The following DERL3 variants were observed in gnomAD, a reference collection of about 807,000 sequenced individuals.
DERL3 encodes derlin-3.
In DERL3, 20 loss-of-function variants were observed where a neutral mutation model predicts 23.8. That is an observed-to-expected ratio of 0.84 (90% CI 0.59 to 1.22). The LOEUF (loss-of-function observed/expected upper bound fraction) is 1.22, where lower values mean the gene tolerates loss of function less well. DERL3 is among the 50% of genes most tolerant of loss of function. The probability of loss-of-function intolerance (pLI) is 0.00; values close to 1 mark genes in which losing one functional copy is unlikely to be tolerated. For missense variants in DERL3, 319 were observed against 304.1 expected, an observed-to-expected ratio of 1.05 and a Z score of -0.36; for synonymous variants, 145 against 132.5, an observed-to-expected ratio of 1.09 and a Z score of -0.65.
chr22:23,837,889 C>T (rs1188800768), intron 4 of DERL3, 35 bp from the exon 5 acceptor site: 3 of 1,584,156 alleles, frequency 1.9e-6, no homozygotes, highest in South Asian at 1.1e-5. Context: ...GTGCAGGCCT[C>T]AGCCCAAGCC....
rs2031209435 is a variant in DERL3 at position 23,837,762 on chromosome 22, C to A, written c.420G>T (p.Arg140Ser). 3.7e-6 allele frequency: 6 copies of A among 1,613,894 alleles called. No individual in the cohort carries two copies. The highest frequency in any genetic ancestry group is 4.2e-6 in the Non-Finnish European group (5 of 1,180,026). ...AAGTGAGCAGGCCGAAGAAGTTGACCCTCACCCGAGGGCTGCGGCGGCTCC... is the reference window on the plus strand; with the variant it reads ...AAGTGAGCAGGCCGAAGAAGTTGACACTCACCCGAGGGCTGCGGCGGCTCC... ...YVWSRRSPRV[R>S]VNFFGLLTFQ... The change falls in exon 5 of 7, where the codon AGG becomes AGT. Residue 140 changes from arginine (R) to serine (S), a missense_variant. Transcript: ENST00000318109.
chr22:23,838,260 C>T (rs750720698), intron 4 of DERL3, 92 bp downstream of exon 4: 2 of 1,551,800 alleles, frequency 1.3e-6, no homozygotes, highest in South Asian at 2.4e-5. Context: ...GACTGTGTCC[C>T]TCTCTGGCAT....
Position 23,838,997 on chromosome 22 carries a change from T to A in DERL3, c.-10A>T. ...GTCCCTGCCACGCCATTGAACCTTCTCAAGCACGCGTGGCCCAGCCAGCAA... is the reference window on the plus strand; with the variant it reads ...GTCCCTGCCACGCCATTGAACCTTCACAAGCACGCGTGGCCCAGCCAGCAA... On this transcript the variant is annotated 5_prime_UTR_variant, in exon 1 of 7. Transcript: ENST00000318109. 2 of 1,560,560 alleles carry A rather than the reference T, an allele frequency of 1.3e-6. No individual in the cohort carries two copies. Among genetic ancestry groups the A allele is most frequent in the Non-Finnish European group, 1.7e-6 (2 of 1,153,078 alleles).
rs1444656858 is a variant in DERL3 at position 23,835,310 on chromosome 22, T to C, written c.*1559A>G. The C allele has an allele frequency of 9.7e-6, 10 of 1,030,086 alleles. No individual in the cohort carries two copies. The highest frequency in any genetic ancestry group is 1.2e-5 in the Non-Finnish European group (10 of 860,092). 63.8% of individuals were successfully genotyped at this position (1,030,086 alleles called of 1,614,324 possible). ...AACTGGCTCGCAGCTCCAGCCTTAC[T>C]GAAGAGAATGGGCACAGATCCGGGC... On this transcript the variant is annotated 3_prime_UTR_variant, in exon 7 of 7. Coordinates refer to ENST00000318109, the MANE Select transcript of DERL3 (RefSeq NM_001002862.3).
In DERL3 at chr22:23,837,145, A is replaced by G; in HGVS notation, c.533T>C (p.Val178Ala). The change falls in exon 6 of 7, where the codon GTG becomes GCG. Residue 178 changes from valine to alanine, a missense_variant. Val to Ala is a moderately conservative substitution (Grantham distance 64). Coordinates refer to ENST00000318109, the MANE Select transcript of DERL3 (RefSeq NM_001002862.3). ...SILVDLLGIA[V>A]GHIYYFLEDV... ...CTCCAGGAAGTAGTAGATATGGCCC[A>G]CCGCAATCCCTGTGAGACAGCCACG... 6.2e-7 allele frequency: 1 copy of G among 1,613,848 alleles called. No homozygotes were observed. The highest frequency in any genetic ancestry group is 8.5e-7 in the Non-Finnish European group (1 of 1,179,884).
Position 23,838,375 on chromosome 22 carries a change from G to T in DERL3, c.304C>A (p.Leu102Ile), listed in dbSNP as rs967800614. The change falls in exon 4 of 7, where the codon CTC becomes ATC. Residue 102 changes from leucine to isoleucine, a missense_variant. By Grantham distance (5) the Leu-to-Ile change is conservative. Transcript: ENST00000318109. ...ACGGTCATAAGGACGCCCCCGAAGA[G>T]AAACATGAAGACGAAGTCGGCCGTG... ...GRTADFVFMF[L>I]FGGVLMTLLG... 6.2e-6 allele frequency: 10 copies of T among 1,609,686 alleles called. No individual in the cohort carries two copies. In the African/African-American group the frequency reaches 1.3e-4, roughly 22 times the overall value.
chr22:23,836,979 G>A lies in DERL3; in HGVS notation c.615-17C>T, dbSNP rs7290412. ...AGCAGCTTTCTGTGGGGAGGGGCCC[G>A]TGTTGAGCACAGGCCAGCACAGGTC... is the stretch of plus-strand genomic sequence containing the variant. On this transcript the variant is annotated splice_polypyrimidine_tract_variant and intron_variant, in intron 6 of 6. Coordinates refer to ENST00000318109, the MANE Select transcript of DERL3 (RefSeq NM_001002862.3). The A allele has an allele frequency of 1.8e-4, 287 of 1,605,640 alleles. 1 individual carries two copies. The African/African-American group carries it at 3.0e-3, about 17-fold the overall frequency.
intron 5 of DERL3, chr22:23,837,416 C>G (rs9612486): frequency 0.13 from 83,014 of 640,772 alleles, 6,235 homozygotes; most frequent in South Asian, 0.27. Flanking sequence ...CCCTGACCCT[C>G]CCATCCTCAC....
chr22:23,838,514 C>T, intron 3 of DERL3, 50 bp downstream of exon 3: 1 of 1,572,410 alleles, frequency 6.4e-7, no homozygotes, highest in Non-Finnish European at 8.6e-7. Context: ...TCTCTCCCAG[C>T]CCGGCCGGCC....
chr22:23,836,826 T>C lies in DERL3; in HGVS notation c.*43A>G. On this transcript the variant is annotated 3_prime_UTR_variant, in exon 7 of 7. Coordinates refer to ENST00000318109, the MANE Select transcript of DERL3 (RefSeq NM_001002862.3). ...CCCCAAGTAGGGGTCATGGGTAGGA[T>C]GGAAGCTGCCAGAAGCCTCTTAGGC... The C allele has an allele frequency of 4.2e-6, 6 of 1,436,022 alleles. No homozygotes were observed. Among genetic ancestry groups the C allele is most frequent in the East Asian group, 5.3e-5 (2 of 38,050 alleles). The allele number at this position is 1,436,022 out of a possible 1,614,324, so 89.0% of individuals were successfully genotyped here.
Position 23,836,764 on chromosome 22 carries a change from C to T in DERL3, c.*105G>A, listed in dbSNP as rs917353917. 47 of 1,393,632 alleles carry T rather than the reference C, an allele frequency of 3.4e-5. No homozygotes were observed. The highest frequency in any genetic ancestry group is 4.3e-5 in the Non-Finnish European group (46 of 1,076,120). 86.3% of individuals were successfully genotyped at this position (1,393,632 alleles called of 1,614,324 possible). A position where few individuals can be genotyped will look rare whatever the true frequency, so the allele number is the denominator to read the frequency against. ...CTCATTCTGTTTATTCAGGTGGGCCCTTGCATGGGCCCAGCCTTTAGGATG... is the reference window on the plus strand; with the variant it reads ...CTCATTCTGTTTATTCAGGTGGGCCTTTGCATGGGCCCAGCCTTTAGGATG... On this transcript the variant is annotated 3_prime_UTR_variant, in exon 7 of 7. Coordinates refer to ENST00000318109, the MANE Select transcript of DERL3 (RefSeq NM_001002862.3).
Position 23,838,351 on chromosome 22 carries a change from CG to C in DERL3, c.327del (p.Leu110CysfsTer30), listed in dbSNP as rs1465672796. 1 of 1,601,632 alleles carries C rather than the reference CG, an allele frequency of 6.2e-7. No individual in the cohort carries two copies. The highest frequency in any genetic ancestry group is 8.5e-7 in the Non-Finnish European group (1 of 1,174,366). ...FMFLFGGVLM[T>X]LLGLLGSLFF... Reference sequence around the variant, plus strand: ...GGTTCCAGAGCCTGCGGGAAGGATACGGTCATAAGGACGCCCCCGAAGAGAA... The same window carrying C: ...GGTTCCAGAGCCTGCGGGAAGGATACGTCATAAGGACGCCCCCGAAGAGAA... On this transcript the variant is annotated frameshift_variant and splice_region_variant, in exon 4 of 7. Transcript: ENST00000318109. LOFTEE classifies it high-confidence loss of function.
At position 23,834,840 on chromosome 22, in the gene DERL3, G is replaced by A. The variant is rs534994795; in HGVS notation, c.*2029C>T. ...CCTTGCTTGGCCTCAGGAAGGTGCC[G>A]CGAGCTCTCCTGCCGTCCCTGGGCC... On this transcript the variant is annotated 3_prime_UTR_variant, in exon 7 of 7. Coordinates refer to ENST00000318109, the MANE Select transcript of DERL3 (RefSeq NM_001002862.3). The A allele has an allele frequency of 2.4e-4, 382 of 1,611,884 alleles. 13 individuals are homozygous for A. The South Asian group carries it at 3.8e-3, about 16-fold the overall frequency.
rs2031276995 is a variant in DERL3, at chr22:23,838,382, G to A, written c.297C>T (p.Phe99=). The A allele has an allele frequency of 6.2e-7, 1 of 1,610,352 alleles. No individual in the cohort carries two copies. The highest frequency in any genetic ancestry group is 2.2e-5 in the East Asian group (1 of 44,716). ...TAAGGACGCCCCCGAAGAGAAACATGAAGACGAAGTCGGCCGTGCGGCCGC... is the reference window on the plus strand; with the variant it reads ...TAAGGACGCCCCCGAAGAGAAACATAAAGACGAAGTCGGCCGTGCGGCCGC... ...SFRGRTADFV[F]MFLFGGVLMT... is the part of the protein sequence containing the mutation. Residue 99 remains phenylalanine, a synonymous_variant, in exon 4 of 7, where the codon TTC becomes TTT. Transcript: ENST00000318109.
chr22:23,834,845 C>T lies in DERL3; in HGVS notation c.*2024G>A. 3 of 1,612,214 alleles carry T rather than the reference C, an allele frequency of 1.9e-6. No individual in the cohort carries two copies. The highest frequency in any genetic ancestry group is 2.2e-5 in the East Asian group (1 of 44,878). ...CTTGGCCTCAGGAAGGTGCCGCGAG[C>T]TCTCCTGCCGTCCCTGGGCCGCCCT... On this transcript the variant is annotated 3_prime_UTR_variant, in exon 7 of 7. Coordinates refer to ENST00000318109, the MANE Select transcript of DERL3 (RefSeq NM_001002862.3).
rs1043615990 is a variant in DERL3, at chr22:23,835,142, A to T, written c.*1727T>A. The T allele has an allele frequency of 6.6e-6, 9 of 1,367,050 alleles. No homozygotes were observed. The highest frequency in any genetic ancestry group is 8.5e-6 in the Non-Finnish European group (9 of 1,063,162). The allele number at this position is 1,367,050 out of a possible 1,614,324, so 84.7% of individuals were successfully genotyped here. A position where few individuals can be genotyped will look rare whatever the true frequency, so the allele number is the denominator to read the frequency against. On this transcript the variant is annotated 3_prime_UTR_variant, in exon 7 of 7. Coordinates refer to ENST00000318109, the MANE Select transcript of DERL3 (RefSeq NM_001002862.3). The stretch of plus-strand genomic sequence containing the variant: ...CTCCCGGCCTGGTGCCAGCTCTTGG[A>T]GTTGACACGGTACAGGGAGGAGACA...
At chr22:23,837,180 G>T in intron 5 of DERL3, 26 bp from the exon 6 acceptor site, 1 of 1,612,542 alleles carries the variant, frequency 6.2e-7, no homozygotes, top group South Asian at 1.1e-5. Context: ...GGACTGTGGG[G>T]TCACCCTCCA....
intron 3 of DERL3, 23 bp downstream of exon 3, chr22:23,838,541 C>G (rs1197093780): frequency 1.3e-6 from 2 of 1,578,178 alleles, no homozygotes; most frequent in Middle Eastern, 1.7e-4. Flanking sequence ...CCACCCAGCC[C>G]GTGTCCGCAG....
chr22:23,836,410 C>G lies in DERL3; in HGVS notation c.*459G>C, dbSNP rs2031052314. On this transcript the variant is annotated 3_prime_UTR_variant, in exon 7 of 7. Transcript: ENST00000318109. ...TTGGCACAACCTAGGAGACGCCTGT[C>G]CTGGCCCCAGCAGCCGAAATCTGGT... The G allele has an allele frequency of 3.0e-6, 3 of 987,452 alleles. No homozygotes were observed. The South Asian group carries it at 1.4e-4, about 46-fold the overall frequency. The allele number at this position is 987,452 out of a possible 1,614,324, so 61.2% of individuals were successfully genotyped here.
Sources: gnomAD v4.1 joint callset for allele counts on GRCh38, gnomAD v4.1.1 for gene constraint, MANE v1.5 for transcripts, NCBI Gene and HGNC (gene_info 2026-07-23, HGNC 2026-07-21) for gene names.